Variants in ROBO2 observed in about 807,000 individuals in gnomAD.
The protein encoded by ROBO2 is roundabout homolog 2.
ROBO2 carries 53 observed loss-of-function variants against 160.8 expected under a neutral mutation model. That is an observed-to-expected ratio of 0.33 (90% CI 0.26 to 0.41). ROBO2 has a LOEUF of 0.41. Ranked by LOEUF, ROBO2 falls within the 10% of genes least tolerant of loss-of-function variation. ROBO2 has a pLI of 1.00. For missense variants in ROBO2, 1,577 were observed against 1,722.4 expected, an observed-to-expected ratio of 0.92 and a Z score of 1.49; for synonymous variants, 664 against 611.7, an observed-to-expected ratio of 1.09 and a Z score of -1.26.
intron 19 of ROBO2, among the ~76,000 whole-genome samples, chr3:77,600,768 C>G (rs1320887885): frequency 6.6e-6 from 1 of 152,092 alleles, no homozygotes; most frequent in Non-Finnish European, 1.5e-5. Flanking sequence ...AAAAATAATA[C>G]TAACACTTGA....
At chr3:76,486,979 T>C (rs762262027) in intron 2 of ROBO2, among the ~76,000 whole-genome samples, 19 of 152,114 alleles carry the variant, frequency 1.2e-4, no homozygotes, top group Non-Finnish European at 2.5e-4. Flanking sequence ...TTTGTTTTGT[T>C]TGTCTTCAGA....
At chr3:77,259,330 T>C (rs1560365336) in intron 2 of ROBO2, among the ~76,000 whole-genome samples, 1 of 152,210 alleles carries the variant, frequency 6.6e-6, no homozygotes, top group Non-Finnish European at 1.5e-5. Flanking sequence ...ACCATAGAAG[T>C]TGCGAATTTG....
intron 2 of ROBO2, among the ~76,000 whole-genome samples, chr3:76,650,428 C>T (rs2091199940): frequency 6.6e-6 from 1 of 151,732 alleles, no homozygotes; most frequent in African/African-American, 2.4e-5. Flanking sequence ...ATAGTTTTAC[C>T]AAATAAGTTT....
chr3:76,558,775 T>A (rs1337186764), intron 2 of ROBO2, among the ~76,000 whole-genome samples: 1 of 152,104 alleles, frequency 6.6e-6, no homozygotes, highest in Non-Finnish European at 1.5e-5. Context: ...ATCGTTAGTA[T>A]TACATAGATA....
intron 1 of ROBO2, among the ~76,000 whole-genome samples, chr3:77,084,998 A>G (rs1328969218): frequency 6.6e-6 from 1 of 152,110 alleles, no homozygotes; most frequent in Non-Finnish European, 1.5e-5. Context: ...CTGAAAGGAA[A>G]TTTAAAGTTT....
intron 3 of ROBO2, 146 bp from the exon 4 acceptor site, chr3:77,480,951 CAT>C: frequency 1.5e-6 from 1 of 656,874 alleles, no homozygotes; most frequent in Non-Finnish European, 2.6e-6. Context: ...GAAAAGAAAA[CAT>C]ACCTGCAAAT....
chr3:76,811,221 G>C (rs1257880299), intron 2 of ROBO2, among the ~76,000 whole-genome samples: 1 of 152,150 alleles, frequency 6.6e-6, no homozygotes, highest in Non-Finnish European at 1.5e-5. Context: ...TTGAGATATA[G>C]AGTACTTGGT....
intron 2 of ROBO2, among the ~76,000 whole-genome samples, chr3:77,441,096 G>A (rs976642097): frequency 3.3e-5 from 5 of 151,958 alleles, no homozygotes; most frequent in African/African-American, 4.8e-5. Flanking sequence ...AGTTCTACAC[G>A]TCATTTTCTC....
At chr3:76,647,106 C>G (rs1028745798) in intron 2 of ROBO2, among the ~76,000 whole-genome samples, 1 of 152,098 alleles carries the variant, frequency 6.6e-6, no homozygotes, top group Non-Finnish European at 1.5e-5. Flanking sequence ...CTGCGTTGCT[C>G]GTCTTGTTCT....
intron 2 of ROBO2, among the ~76,000 whole-genome samples, chr3:76,436,181 C>CACACACACACACACACACACACT (rs1559941598): frequency 6.6e-6 from 1 of 151,254 alleles, no homozygotes; most frequent in Non-Finnish European, 1.5e-5. Context: ...CACACACACA[C>CACACACACACACACACACACACT]CATTTCTTTT....
chr3:76,254,087 T>G (rs980746592), intron 2 of ROBO2, among the ~76,000 whole-genome samples: 3 of 152,138 alleles, frequency 2.0e-5, no homozygotes, highest in African/African-American at 7.2e-5. Flanking sequence ...GAGATTCATC[T>G]TTAGTAGGAG....
chr3:76,919,145 T>C (rs1454010132), intron 2 of ROBO2, among the ~76,000 whole-genome samples: 1 of 152,154 alleles, frequency 6.6e-6, no homozygotes, highest in Non-Finnish European at 1.5e-5. Flanking sequence ...CACATTTACC[T>C]GTGTAACAAA....
At chr3:76,957,897 T>C (rs1284556828) in intron 2 of ROBO2, among the ~76,000 whole-genome samples, 1 of 152,048 alleles carries the variant, frequency 6.6e-6, no homozygotes, top group Non-Finnish European at 1.5e-5. Context: ...GGATGCTGTG[T>C]TCATGACCAC....
At chr3:75,947,474 G>C (rs113915704) in intron 2 of ROBO2, among the ~76,000 whole-genome samples, 7,985 of 152,082 alleles carry the variant, frequency 0.053, 616 homozygotes, top group African/African-American at 0.17. Context: ...AAATTTTTCA[G>C]CAAGGAAAGT....
chr3:77,206,275 T>C (rs2083440159), intron 2 of ROBO2, among the ~76,000 whole-genome samples: 2 of 152,154 alleles, frequency 1.3e-5, no homozygotes, highest in Non-Finnish European at 2.9e-5. Context: ...GTTCAAGCGA[T>C]TGTCCTGCCT....
At chr3:76,521,805 T>C (rs1577860638) in intron 2 of ROBO2, among the ~76,000 whole-genome samples, 1 of 152,304 alleles carries the variant, frequency 6.6e-6, no homozygotes, top group East Asian at 1.9e-4. Context: ...TGTATTATTC[T>C]TATAGAGTTA....
At chr3:77,211,806 C>T (rs1322221830) in intron 2 of ROBO2, among the ~76,000 whole-genome samples, 1 of 151,438 alleles carries the variant, frequency 6.6e-6, no homozygotes, top group South Asian at 2.1e-4. Context: ...TACCCAGTTT[C>T]CCCAGCACCA....
exon 1 of ROBO2, chr3:75,906,884 A>C (rs913660603): frequency 1.7e-4 from 26 of 152,260 alleles, no homozygotes; most frequent in African/African-American, 6.0e-4. Context: ...CTCGTTATTC[A>C]CACGGACGCT....
At chr3:76,873,078 A>C (rs1440243679) in intron 2 of ROBO2, among the ~76,000 whole-genome samples, 1 of 152,188 alleles carries the variant, frequency 6.6e-6, no homozygotes, top group Admixed American at 6.5e-5. Flanking sequence ...TTGACTAAAA[A>C]ATAGCCAGGA....
Sources: allele counts gnomAD v4.1 joint callset (sites outside exome capture counted in the v4.1 genomes callset), GRCh38; gene constraint gnomAD v4.1.1; transcripts MANE v1.5; gene names NCBI Gene and HGNC (gene_info 2026-07-23, HGNC 2026-07-21).